The following RBFOX1 variants were observed in gnomAD, a reference collection of about 807,000 sequenced individuals.
RBFOX1 encodes the protein RNA binding fox-1 homolog 1.
RBFOX1 carries 8 observed loss-of-function variants against 57.7 expected under a neutral mutation model. That is an observed-to-expected ratio of 0.14 (90% confidence interval 0.08 to 0.25). The LOEUF (loss-of-function observed/expected upper bound fraction) is 0.25. Among genes scored for constraint, RBFOX1 ranks in the 10% least tolerant of loss-of-function variants. The pLI is 1.00. For missense variants in RBFOX1, 611 were observed against 548.5 expected, an observed-to-expected ratio of 1.11 and a Z score of -1.14; for synonymous variants, 326 against 222.4, an observed-to-expected ratio of 1.47 and a Z score of -4.15.
At chr16:6,394,646 T>C (rs1255963488) in intron 2 of RBFOX1, among the ~76,000 whole-genome samples, 1 of 151,334 alleles carries the variant, frequency 6.6e-6, no homozygotes, top group Non-Finnish European at 1.5e-5. Context: ...ATATATTATG[T>C]GTATTAGATA....
At chr16:6,824,458 T>C (rs142674919) in intron 3 of RBFOX1, among the ~76,000 whole-genome samples, 49 of 152,344 alleles carry the variant, frequency 3.2e-4, no homozygotes, top group Non-Finnish European at 5.4e-4. Flanking sequence ...GATGTTCTAT[T>C]GCTTTAAATA....
intron 3 of RBFOX1, among the ~76,000 whole-genome samples, chr16:5,864,201 A>G (rs190085706): frequency 6.6e-6 from 1 of 152,322 alleles, no homozygotes; most frequent in Non-Finnish European, 1.5e-5. Flanking sequence ...AATGGCCTCC[A>G]GCTCCATCGA....
intron 11 of RBFOX1, among the ~76,000 whole-genome samples, chr16:7,639,179 A>G (rs575361798): frequency 6.6e-6 from 1 of 152,270 alleles, no homozygotes; most frequent in African/African-American, 2.4e-5. Context: ...ACATTAGTCT[A>G]AGACCTGCCC....
intron 4 of RBFOX1, among the ~76,000 whole-genome samples, chr16:7,387,255 T>G (rs1024274229): frequency 2.6e-5 from 4 of 152,190 alleles, no homozygotes; most frequent in African/African-American, 9.6e-5. Context: ...CTTGCTAAAT[T>G]AGTATAGGAT....
At chr16:6,924,826 C>CCCCCCT (rs57377450) in intron 3 of RBFOX1, among the ~76,000 whole-genome samples, 1 of 104,952 alleles carries the variant, frequency 9.5e-6, no homozygotes, top group Non-Finnish European at 1.9e-5. Flanking sequence ...TGCTATCCCT[C>CCCCCCT]CCCCCTCCCC....
At chr16:5,641,659 T>C (rs2048880210) in intron 3 of RBFOX1, among the ~76,000 whole-genome samples, 2 of 152,200 alleles carry the variant, frequency 1.3e-5, no homozygotes, top group Non-Finnish European at 2.9e-5. Flanking sequence ...GGAAGTATGC[T>C]TGGGCAGTGA....
chr16:6,398,364 T>C (rs2092926917), intron 2 of RBFOX1, among the ~76,000 whole-genome samples: 1 of 152,042 alleles, frequency 6.6e-6, no homozygotes, highest in Non-Finnish European at 1.5e-5. Context: ...TTTTCAACAG[T>C]CCCCCAAAGT....
intron 1 of RBFOX1, among the ~76,000 whole-genome samples, chr16:6,081,338 TG>T (rs2095998614): frequency 6.6e-6 from 1 of 152,160 alleles, no homozygotes; most frequent in East Asian, 1.9e-4. Context: ...GGTGCTGAAA[TG>T]ATTAGTATAA....
At chr16:5,504,055 C>A (rs575463343) in intron 2 of RBFOX1, among the ~76,000 whole-genome samples, 57 of 152,276 alleles carry the variant, frequency 3.7e-4, no homozygotes, top group African/African-American at 1.3e-3. Flanking sequence ...CCAGCCCCTT[C>A]CTGGCATCTG....
intron 2 of RBFOX1, among the ~76,000 whole-genome samples, chr16:6,325,515 C>G (rs549270514): frequency 2.6e-5 from 4 of 152,314 alleles, no homozygotes; most frequent in Admixed American, 2.6e-4. Context: ...TCTGCTGAAT[C>G]CCTTCATTTA....
intron 3 of RBFOX1, among the ~76,000 whole-genome samples, chr16:5,639,582 A>C (rs1362776345): frequency 2.6e-5 from 4 of 151,980 alleles, no homozygotes; most frequent in Non-Finnish European, 4.4e-5. Context: ...ACTCTCCATC[A>C]CTCTCTATCA....
chr16:7,517,394 C>G (rs573311772), intron 4 of RBFOX1, among the ~76,000 whole-genome samples: 13 of 151,956 alleles, frequency 8.6e-5, no homozygotes, highest in Non-Finnish European at 1.6e-4. Flanking sequence ...GAGGGAGAGG[C>G]ATTGACTAAT....
At chr16:7,530,651 G>C (rs973084114) in intron 5 of RBFOX1, among the ~76,000 whole-genome samples, 1 of 152,114 alleles carries the variant, frequency 6.6e-6, no homozygotes, top group Non-Finnish European at 1.5e-5. Flanking sequence ...CACTAACCAG[G>C]GGGTCTGGGT....
chr16:7,487,550 C>A (rs1163285469), intron 4 of RBFOX1, among the ~76,000 whole-genome samples: 1 of 152,170 alleles, frequency 6.6e-6, no homozygotes, highest in African/African-American at 2.4e-5. Flanking sequence ...GAATGTCTTT[C>A]CATGTTTCAG....
In RBFOX1 at chr16:5,435,629, G is replaced by A. The variant is rs140353955; in HGVS notation, c.220-31587G>A. Among the ~76,000 whole-genome samples, 11 of 152,210 alleles carry A rather than the reference G, an allele frequency of 7.2e-5. No homozygotes were observed. In the East Asian group the frequency reaches 9.6e-4, roughly 13 times the overall value. ...CCACCTCACTCTGTCTAGTTCTTGCGTCACCATAGGTCCCATGTTTATGGT... is the reference window on the plus strand; with the variant it reads ...CCACCTCACTCTGTCTAGTTCTTGCATCACCATAGGTCCCATGTTTATGGT... On this transcript the variant is annotated intron_variant, in intron 1 of 2. Transcript: ENST00000585867.
At chr16:7,089,458 T>C (rs1275119002) in intron 4 of RBFOX1, among the ~76,000 whole-genome samples, 2 of 152,166 alleles carry the variant, frequency 1.3e-5, no homozygotes, top group East Asian at 3.9e-4. Context: ...AGGAAAAAAC[T>C]ATACTAGCAT....
At chr16:5,963,952 A>T (rs1401141277) in intron 4 of RBFOX1, among the ~76,000 whole-genome samples, 2 of 152,208 alleles carry the variant, frequency 1.3e-5, no homozygotes, top group Non-Finnish European at 2.9e-5. Flanking sequence ...ACCCTCAACA[A>T]AATGGAAAGG....
chr16:7,698,506 C>G (rs143393082), intron 14 of RBFOX1, among the ~76,000 whole-genome samples: 32 of 152,080 alleles, frequency 2.1e-4, no homozygotes, highest in African/African-American at 7.7e-4. Flanking sequence ...CAGCGCCTTT[C>G]ATTTTTCTAT....
intron 3 of RBFOX1, among the ~76,000 whole-genome samples, chr16:6,842,500 A>G (rs2093532260): frequency 1.3e-5 from 2 of 152,090 alleles, no homozygotes; most frequent in Non-Finnish European, 2.9e-5. Flanking sequence ...ACCAAATTGA[A>G]TCATATATTT....
Sources: gnomAD v4.1 joint callset for allele counts (sites outside exome capture counted in the v4.1 genomes callset) on GRCh38, gnomAD v4.1.1 for gene constraint, MANE v1.5 for transcripts, NCBI Gene and HGNC (gene_info 2026-07-23, HGNC 2026-07-21) for gene names.